Variants in ZNF610 observed in about 807,000 individuals in gnomAD.
ZNF610 encodes the protein zink finger protein.
ZNF610 carries 14 observed loss-of-function variants against 14.1 expected under a neutral mutation model. The observed-to-expected ratio is 0.99, with a 90% CI of 0.65 to 1.55. The LOEUF is 1.55. Among genes scored for constraint, ZNF610 ranks in the 40% most tolerant of loss-of-function variants. The pLI is 0.00. For missense variants in ZNF610, 530 were observed against 558.0 expected, an observed-to-expected ratio of 0.95 and a Z score of 0.51; for synonymous variants, 185 against 187.6, an observed-to-expected ratio of 0.99 and a Z score of 0.11.
At chr19:52,331,679 C>T (rs905880011), upstream of ZNF610, among the ~76,000 whole-genome samples, 1 of 152,198 alleles carries the variant, frequency 6.6e-6, no homozygotes, top group Admixed American at 6.5e-5. Context: ...AGAAATCTAG[C>T]ACCTATTATT....
intron 1 of ZNF610, among the ~76,000 whole-genome samples, chr19:52,343,211 A>G (rs1231236030): frequency 6.6e-6 from 1 of 152,208 alleles, no homozygotes; most frequent in Non-Finnish European, 1.5e-5. Context: ...TTTAAAATGT[A>G]GGAGATATTT....
chr19:52,365,389 C>T (rs1985970864), intron 5 of ZNF610, among the ~76,000 whole-genome samples: 1 of 152,164 alleles, frequency 6.6e-6, no homozygotes, highest in Non-Finnish European at 1.5e-5. Context: ...TATACAACTG[C>T]TCTTAAATGT....
chr19:52,355,964 C>T (rs540306963), intron 5 of ZNF610, among the ~76,000 whole-genome samples: 1 of 152,274 alleles, frequency 6.6e-6, no homozygotes, highest in East Asian at 1.9e-4. Context: ...ACTCAATCTC[C>T]AGCCCCTCTC....
chr19:52,346,754 C>T (rs949732879), intron 1 of ZNF610, among the ~76,000 whole-genome samples: 8 of 151,710 alleles, frequency 5.3e-5, no homozygotes, highest in South Asian at 2.1e-4. Context: ...TTTTTGAGAC[C>T]GAGTCTCGCT....
upstream of ZNF610, among the ~76,000 whole-genome samples, chr19:52,334,607 A>G (rs1438560018): frequency 6.6e-6 from 1 of 152,174 alleles, no homozygotes; most frequent in Non-Finnish European, 1.5e-5. Flanking sequence ...TACTCTACCA[A>G]TTTTGACAGT....
At chr19:52,336,057 T>C (rs1025682980), upstream of ZNF610, among the ~76,000 whole-genome samples, 1 of 152,130 alleles carries the variant, frequency 6.6e-6, no homozygotes, top group Non-Finnish European at 1.5e-5. Flanking sequence ...AGCAGGAAAT[T>C]TCCTGGATCT....
upstream of ZNF610, among the ~76,000 whole-genome samples, chr19:52,333,070 TG>T (rs1984245693): frequency 6.6e-6 from 1 of 151,916 alleles, no homozygotes; most frequent in South Asian, 2.1e-4. Flanking sequence ...AAAGAGGAAA[TG>T]GAAGTCTTAC....
intron 1 of ZNF610, among the ~76,000 whole-genome samples, chr19:52,340,679 T>TATC (rs1178406842): frequency 1.1e-4 from 16 of 150,802 alleles, no homozygotes; most frequent in African/African-American, 2.4e-5. Context: ...AAATTATTAT[T>TATC]ATTATTATTA....
chr19:52,341,308 TTTTTTA>T (rs1984680080), intron 1 of ZNF610, among the ~76,000 whole-genome samples: 1 of 152,112 alleles, frequency 6.6e-6, no homozygotes. Context: ...AAAAGTTTTA[TTTTTTA>T]TTTTTATTTT....
chr19:52,354,389 C>T lies in ZNF610; in HGVS notation c.319+10C>T. The T allele has an allele frequency of 6.2e-7, 1 of 1,613,534 alleles. No homozygotes were observed. The highest frequency in any genetic ancestry group is 8.5e-7 in the Non-Finnish European group (1 of 1,179,810). On this transcript the variant is annotated intron_variant, in intron 5 of 5. Transcript: ENST00000403906. ...AGAAGCGTGAACACAGGTAAGAGCT[C>T]TGATGGGCAGTGTGGAGGCCATAGT...
At chr19:52,354,123 C>G (rs577232290) in intron 4 of ZNF610, 128 bp from the exon 5 acceptor site, 7 of 1,304,004 alleles carry the variant, frequency 5.4e-6, no homozygotes, top group Non-Finnish European at 7.4e-6. Flanking sequence ...TCAGAAGGAG[C>G]CAGTCTGTGG....
At chr19:52,344,764 G>A (rs1430983728) in intron 1 of ZNF610, among the ~76,000 whole-genome samples, 1 of 152,188 alleles carries the variant, frequency 6.6e-6, no homozygotes, top group Non-Finnish European at 1.5e-5. Context: ...GCCATTCCGA[G>A]TAGTGTGCTG....
intron 1 of ZNF610, chr19:52,347,297 G>C (rs1165610560): frequency 6.6e-6 from 1 of 152,046 alleles, no homozygotes; most frequent in African/African-American, 2.4e-5. Context: ...AAGTTTTAAT[G>C]GGGAAAAAGA....
chr19:52,353,323 T>C (rs570406976), intron 3 of ZNF610, among the ~76,000 whole-genome samples: 1 of 152,232 alleles, frequency 6.6e-6, no homozygotes, highest in Non-Finnish European at 1.5e-5. Context: ...ATAAACTCCA[T>C]TGGGCTTTTG....
chr19:52,356,478 T>TA (rs1985527969), intron 5 of ZNF610, among the ~76,000 whole-genome samples: 1 of 152,224 alleles, frequency 6.6e-6, no homozygotes, highest in East Asian at 1.9e-4. Context: ...CCATATTTCA[T>TA]ATAATACTCT....
intron 3 of ZNF610, 96 bp from the exon 4 acceptor site, chr19:52,353,586 C>A: frequency 7.4e-7 from 1 of 1,347,866 alleles, no homozygotes; most frequent in Non-Finnish European, 1.0e-6. Context: ...AATGATCTGC[C>A]ATTTTTAATA....
intron 3 of ZNF610, among the ~76,000 whole-genome samples, chr19:52,352,657 C>T (rs994840096): frequency 7.2e-5 from 11 of 152,148 alleles, no homozygotes; most frequent in African/African-American, 2.7e-4. Flanking sequence ...CTCCTACCCC[C>T]ACTTTTTTTT....
At chr19:52,363,128 T>C (rs1044520130) in intron 5 of ZNF610, among the ~76,000 whole-genome samples, 41 of 131,182 alleles carry the variant, frequency 3.1e-4, no homozygotes, top group East Asian at 1.7e-3. Flanking sequence ...TTCTATCCCC[T>C]TTTTTTTTTT....
chr19:52,349,241 G>A lies in ZNF610; in HGVS notation c.63+6G>A. ...CAGGGATGGCTCTTCCTCAGGTAAAGTGATATTCTCGGTGGTTGGTTCTCT... is the reference window on the plus strand; with the variant it reads ...CAGGGATGGCTCTTCCTCAGGTAAAATGATATTCTCGGTGGTTGGTTCTCT... On this transcript the variant is annotated splice_donor_region_variant and intron_variant, in intron 3 of 5. Coordinates refer to ENST00000403906, the MANE Select transcript of ZNF610 (RefSeq NM_001161425.2). The A allele has an allele frequency of 6.2e-7, 1 of 1,612,754 alleles. No individual in the cohort carries two copies. Among genetic ancestry groups the A allele is most frequent in the Non-Finnish European group, 8.5e-7 (1 of 1,179,794 alleles).
Sources: allele counts gnomAD v4.1 joint callset (sites outside exome capture counted in the v4.1 genomes callset), GRCh38; gene constraint gnomAD v4.1.1; transcripts MANE v1.5; gene names NCBI Gene and HGNC (gene_info 2026-07-23, HGNC 2026-07-21).